Variants in OTOGL observed in about 807,000 individuals in gnomAD.
OTOGL encodes otogelin-like protein.
Under a neutral mutation model 318.5 loss-of-function variants are expected in OTOGL, and 285 were observed. The ratio of observed to expected loss-of-function variants is 0.89; its 90% CI spans 0.81 to 0.99. The LOEUF is 0.99. OTOGL is among the 50% of genes least tolerant of loss of function. OTOGL has a pLI of 0.00. For synonymous variants in OTOGL, 987 were observed against 936.5 expected, an observed-to-expected ratio of 1.05 and a Z score of -0.99; for missense variants, 2,899 against 2,845.6, an observed-to-expected ratio of 1.02 and a Z score of -0.43.
intron 37 of OTOGL, among the ~76,000 whole-genome samples, chr12:80,330,640 A>G (rs937126960): frequency 1.3e-5 from 2 of 152,226 alleles, no homozygotes; most frequent in East Asian, 3.9e-4. Flanking sequence ...ATCTCTTTGC[A>G]GAGAATACAA....
intron 1 of OTOGL, among the ~76,000 whole-genome samples, chr12:80,169,099 C>T (rs1874019252): frequency 6.6e-6 from 1 of 152,130 alleles, no homozygotes; most frequent in Non-Finnish European, 1.5e-5. Flanking sequence ...CAGTTTCTAA[C>T]AGTGTACAGT....
intron 1 of OTOGL, among the ~76,000 whole-genome samples, chr12:80,138,771 GAGAAT>G (rs1399949933): frequency 6.6e-6 from 1 of 152,178 alleles, no homozygotes; most frequent in Non-Finnish European, 1.5e-5. Flanking sequence ...TGTGTTCACA[GAGAAT>G]AGAAGTTAAA....
intron 1 of OTOGL, among the ~76,000 whole-genome samples, chr12:80,119,351 G>A (rs1450383296): frequency 6.6e-6 from 1 of 152,186 alleles, no homozygotes. Context: ...AAGGGTAAAT[G>A]GCACAGCTTG....
Position 80,336,475 on chromosome 12 carries a change from T to C in OTOGL, c.4663T>C (p.Tyr1555His), listed in dbSNP as rs1458258534. ...ITFDGNNAAL[Y>H]SMASYILVRI... ...ATTTGATGGAAACAACGCAGCATTATATAGCATGGCTTCTTATATCTTAGT... is the reference window on the plus strand; with the variant it reads ...ATTTGATGGAAACAACGCAGCATTACATAGCATGGCTTCTTATATCTTAGT... Residue 1555 changes from tyrosine (Y) to histidine (H), a missense_variant, in exon 40 of 59, where the codon TAT becomes CAT. Physicochemically the swap from Tyr to His is moderately conservative, Grantham distance 83. Transcript: ENST00000547103. 2 of 1,609,226 alleles carry C rather than the reference T, an allele frequency of 1.2e-6. No individual in the cohort carries two copies. Among genetic ancestry groups the C allele is most frequent in the Non-Finnish European group, 1.7e-6 (2 of 1,176,132 alleles).
intron 47 of OTOGL, 104 bp downstream of exon 47, chr12:80,356,052 C>T (rs1327807915): frequency 8.0e-7 from 1 of 1,248,044 alleles, no homozygotes; most frequent in Non-Finnish European, 1.1e-6. Flanking sequence ...TAAAAAAGGG[C>T]CATAAATGTC....
chr12:80,329,439 G>A (rs971402279), intron 37 of OTOGL, among the ~76,000 whole-genome samples: 2 of 152,160 alleles, frequency 1.3e-5, no homozygotes, highest in African/African-American at 2.4e-5. Flanking sequence ...ATTTCAGTTC[G>A]TGTAGATTCC....
intron 26 of OTOGL, among the ~76,000 whole-genome samples, chr12:80,295,784 G>A (rs574521171): frequency 3.3e-5 from 5 of 152,134 alleles, no homozygotes; most frequent in Non-Finnish European, 5.9e-5. Flanking sequence ...GAGTATGTTC[G>A]TTTTATTTAA....
At chr12:80,199,792 A>G (rs1876334868) in intron 1 of OTOGL, among the ~76,000 whole-genome samples, 1 of 152,220 alleles carries the variant, frequency 6.6e-6, no homozygotes, top group Non-Finnish European at 1.5e-5. Context: ...TCAAACCAGG[A>G]GGAAAGCCAG....
chr12:80,346,775 G>C (rs113408116), intron 44 of OTOGL, among the ~76,000 whole-genome samples: 10 of 152,172 alleles, frequency 6.6e-5, no homozygotes, highest in African/African-American at 2.4e-4. Flanking sequence ...GTTCAGAAAA[G>C]AAAGATGGCA....
intron 1 of OTOGL, among the ~76,000 whole-genome samples, chr12:80,143,886 T>G (rs79971223): frequency 0.025 from 3,773 of 152,160 alleles, 157 homozygotes; most frequent in African/African-American, 0.086. Flanking sequence ...GCTATTCAGG[T>G]GTACTGTTTT....
At chr12:80,197,288 T>C (rs1015758658) in intron 1 of OTOGL, among the ~76,000 whole-genome samples, 3 of 152,252 alleles carry the variant, frequency 2.0e-5, no homozygotes, top group Admixed American at 2.0e-4. Context: ...CTTGTGTACC[T>C]GTTCTCAGGG....
At chr12:80,183,826 C>T (rs1875099843) in intron 1 of OTOGL, among the ~76,000 whole-genome samples, 1 of 152,112 alleles carries the variant, frequency 6.6e-6, no homozygotes, top group Non-Finnish European at 1.5e-5. Flanking sequence ...ACAAATAGGA[C>T]CCTTGCTCCA....
chr12:80,236,751 C>T (rs112038388), intron 9 of OTOGL, among the ~76,000 whole-genome samples: 179 of 151,722 alleles, frequency 1.2e-3, no homozygotes, highest in African/African-American at 3.6e-3. Context: ...GCAGGCCAGA[C>T]AAATTAGAAA....
In OTOGL at chr12:80,318,503, A is replaced by G. The variant is rs552696046; in HGVS notation, c.3635-43A>G. ...TTGAAATGACAGATTGAAATTTTAA[A>G]AATCTATGCCAATTTATAATTCTAA... On this transcript the variant is annotated intron_variant, in intron 32 of 58. Coordinates refer to ENST00000547103, the MANE Select transcript of OTOGL (RefSeq NM_001378609.3). 3.4e-4 allele frequency: 399 copies of G among 1,187,444 alleles called. 2 individuals are homozygous for G. The African/African-American group carries it at 5.9e-3, about 18-fold the overall frequency. 73.6% of individuals were successfully genotyped at this position (1,187,444 alleles called of 1,614,324 possible). A position where few individuals can be genotyped will look rare whatever the true frequency, so the allele number is the denominator to read the frequency against.
intron 32 of OTOGL, among the ~76,000 whole-genome samples, chr12:80,317,370 C>T (rs1190271593): frequency 6.6e-6 from 1 of 152,128 alleles, no homozygotes; most frequent in Non-Finnish European, 1.5e-5. Context: ...TACCAATTAA[C>T]TGAGAGTCAA....
intron 20 of OTOGL, 21 bp from the exon 21 acceptor site, chr12:80,266,430 G>C (rs760101361): frequency 4.3e-6 from 7 of 1,611,986 alleles, no homozygotes; most frequent in Non-Finnish European, 5.9e-6. Flanking sequence ...TCTTTCTCAA[G>C]TGATACTTCT....
intron 6 of OTOGL, among the ~76,000 whole-genome samples, chr12:80,221,784 A>G (rs1161766952): frequency 6.6e-6 from 1 of 152,112 alleles, no homozygotes. Flanking sequence ...CTTTATTACT[A>G]TCACCTTTTA....
intron 24 of OTOGL, among the ~76,000 whole-genome samples, chr12:80,274,925 G>A (rs1883684698): frequency 6.6e-6 from 1 of 151,934 alleles, no homozygotes; most frequent in Non-Finnish European, 1.5e-5. Flanking sequence ...GTTGAGACCT[G>A]ATGCCTAGAA....
chr12:80,136,014 T>G (rs1871546259), intron 1 of OTOGL, among the ~76,000 whole-genome samples: 1 of 152,232 alleles, frequency 6.6e-6, no homozygotes, highest in Non-Finnish European at 1.5e-5. Flanking sequence ...TTCATAATCA[T>G]GTGAACCGAT....
Sources: gnomAD v4.1 joint callset for allele counts (sites outside exome capture counted in the v4.1 genomes callset) on GRCh38, gnomAD v4.1.1 for gene constraint, MANE v1.5 for transcripts, NCBI Gene and HGNC (gene_info 2026-07-23, HGNC 2026-07-21) for gene names.